Variants in GAREM1 observed in about 807,000 individuals in gnomAD.
GAREM1 encodes GRB2 associated regulator of MAPK1 subtype 1.
In GAREM1, 26 loss-of-function variants were observed where a neutral mutation model predicts 71.3. The ratio of observed to expected loss-of-function variants is 0.36; its 90% CI spans 0.27 to 0.51. The LOEUF (loss-of-function observed/expected upper bound fraction) is 0.51, where lower values mean the gene tolerates loss of function less well. Ranked by LOEUF, GAREM1 falls within the 20% of genes least tolerant of loss-of-function variation. GAREM1 has a pLI of 0.95. For synonymous variants in GAREM1, 440 were observed against 433.2 expected (o/e 1.02, Z -0.20); for missense variants, 1,026 against 1,103.1 (o/e 0.93, Z 0.99).
intron 2 of GAREM1, among the ~76,000 whole-genome samples, chr18:32,364,001 T>C (rs1481828856): frequency 5.3e-5 from 2 of 37,614 alleles, no homozygotes; most frequent in African/African-American, 1.5e-4. Context: ...TATACATATA[T>C]ATATATATAT....
chr18:32,373,318 C>T (rs1289886291), intron 2 of GAREM1, among the ~76,000 whole-genome samples: 1 of 152,128 alleles, frequency 6.6e-6, no homozygotes, highest in African/African-American at 2.4e-5. Context: ...AAAACTAAGT[C>T]CCATTTGGGA....
At chr18:32,407,228 T>G (rs1282927681) in intron 1 of GAREM1, among the ~76,000 whole-genome samples, 1 of 152,176 alleles carries the variant, frequency 6.6e-6, no homozygotes, top group Non-Finnish European at 1.5e-5. Flanking sequence ...AGAACAACAG[T>G]GTCACTTGAG....
At chr18:32,333,655 T>C (rs1445462477) in intron 2 of GAREM1, among the ~76,000 whole-genome samples, 2 of 152,208 alleles carry the variant, frequency 1.3e-5, no homozygotes, top group Non-Finnish European at 2.9e-5. Flanking sequence ...GAGCCTCCAA[T>C]GCTGCAAGGC....
intron 2 of GAREM1, among the ~76,000 whole-genome samples, chr18:32,335,065 T>C (rs969669719): frequency 3.3e-5 from 5 of 152,206 alleles, no homozygotes; most frequent in African/African-American, 1.2e-4. Flanking sequence ...CAATGATTAA[T>C]GACCCAGGCA....
intron 2 of GAREM1, among the ~76,000 whole-genome samples, chr18:32,333,693 C>T (rs893380883): frequency 1.3e-5 from 2 of 152,196 alleles, no homozygotes; most frequent in African/African-American, 4.8e-5. Context: ...AGAGGTGGCT[C>T]CATGGCAATA....
chr18:32,282,774 T>G (rs1331859148), intron 4 of GAREM1, among the ~76,000 whole-genome samples: 1 of 152,226 alleles, frequency 6.6e-6, no homozygotes. Flanking sequence ...GGAAGTCAAA[T>G]GATCTATTTA....
At chr18:32,364,464 G>A (rs893090982) in intron 2 of GAREM1, among the ~76,000 whole-genome samples, 4 of 151,828 alleles carry the variant, frequency 2.6e-5, no homozygotes, top group Non-Finnish European at 5.9e-5. Flanking sequence ...CACAGAGCAT[G>A]TAACACAGAA....
At chr18:32,290,642 GAAA>G (rs586596) in intron 3 of GAREM1, among the ~76,000 whole-genome samples, 1 of 75,596 alleles carries the variant, frequency 1.3e-5, no homozygotes, top group Non-Finnish European at 2.8e-5. Context: ...CAGACTGTCT[GAAA>G]AAAAAAAAAA....
intron 1 of GAREM1, among the ~76,000 whole-genome samples, chr18:32,441,481 G>A (rs1317425098): frequency 6.6e-6 from 1 of 152,038 alleles, no homozygotes. Context: ...CACGGCTTTC[G>A]AAAAGAAAAA....
chr18:32,360,923 C>T (rs974215306), intron 2 of GAREM1, among the ~76,000 whole-genome samples: 55 of 152,288 alleles, frequency 3.6e-4, no homozygotes, highest in African/African-American at 1.3e-3. Context: ...AGCATTCTCC[C>T]TTTGCCTCAG....
At chr18:32,379,880 A>G (rs1179116645) in intron 2 of GAREM1, among the ~76,000 whole-genome samples, 1 of 152,196 alleles carries the variant, frequency 6.6e-6, no homozygotes, top group Non-Finnish European at 1.5e-5. Flanking sequence ...ATGTAGATGC[A>G]TACTGCTATG....
chr18:32,436,647 T>C (rs1017972403), intron 1 of GAREM1, among the ~76,000 whole-genome samples: 4 of 152,214 alleles, frequency 2.6e-5, no homozygotes, highest in Non-Finnish European at 4.4e-5. Flanking sequence ...GCATATCACC[T>C]TATTTGTACC....
intron 3 of GAREM1, among the ~76,000 whole-genome samples, chr18:32,298,826 T>G (rs2047169181): frequency 1.3e-5 from 2 of 152,292 alleles, no homozygotes; most frequent in South Asian, 4.1e-4. Context: ...TTGATTAGTA[T>G]TATGTTATGT....
intron 1 of GAREM1, among the ~76,000 whole-genome samples, chr18:32,458,012 C>T (rs1312718438): frequency 6.6e-6 from 1 of 152,106 alleles, no homozygotes; most frequent in Non-Finnish European, 1.5e-5. Context: ...CTCCCCATGT[C>T]TGGAAGTGAT....
chr18:32,394,244 A>G (rs964974413), intron 1 of GAREM1, among the ~76,000 whole-genome samples: 10 of 152,094 alleles, frequency 6.6e-5, no homozygotes, highest in African/African-American at 2.4e-4. Flanking sequence ...TACAAAAAAA[A>G]TACAAAAATT....
At chr18:32,350,476 T>C (rs1345326167) in intron 2 of GAREM1, among the ~76,000 whole-genome samples, 2 of 152,108 alleles carry the variant, frequency 1.3e-5, no homozygotes, top group African/African-American at 4.8e-5. Context: ...TCTCAACACA[T>C]TAAATAGAGA....
At chr18:32,451,285 G>C (rs2048838707) in intron 1 of GAREM1, among the ~76,000 whole-genome samples, 1 of 127,122 alleles carries the variant, frequency 7.9e-6, no homozygotes, top group South Asian at 2.3e-4. Context: ...CATCTCAACT[G>C]TGAAGACCAG....
chr18:32,341,425 G>A (rs562625292), intron 2 of GAREM1, among the ~76,000 whole-genome samples: 1 of 152,248 alleles, frequency 6.6e-6, no homozygotes, highest in South Asian at 2.1e-4. Flanking sequence ...TGTGAATAGT[G>A]TCACAATAAA....
intron 1 of GAREM1, among the ~76,000 whole-genome samples, chr18:32,454,059 T>C (rs181613924): frequency 1.3e-5 from 2 of 152,258 alleles, no homozygotes; most frequent in East Asian, 3.9e-4. Context: ...TGGTTGTATA[T>C]AATAGTGACC....
Sources: gnomAD v4.1 joint callset for allele counts (sites outside exome capture counted in the v4.1 genomes callset) on GRCh38, gnomAD v4.1.1 for gene constraint, MANE v1.5 for transcripts, NCBI Gene and HGNC (gene_info 2026-07-23, HGNC 2026-07-21) for gene names.